The following ZNF592 variants were observed in gnomAD, a reference collection of about 807,000 sequenced individuals.
ZNF592 encodes the protein spinocerebellar ataxia, autosomal recessive 5.
ZNF592 carries 11 observed loss-of-function variants against 80.3 expected under a neutral mutation model. The observed-to-expected ratio is 0.14, with a 90% CI of 0.09 to 0.23. The LOEUF (loss-of-function observed/expected upper bound fraction) is 0.23. ZNF592 is among the 10% of genes least tolerant of loss of function. The pLI, the probability that ZNF592 is intolerant of heterozygous loss-of-function variation, is 1.00. For synonymous variants in ZNF592, 646 were observed against 640.3 expected, an observed-to-expected ratio of 1.01 and a Z score of -0.13; for missense variants, 1,420 against 1,633.9, an observed-to-expected ratio of 0.87 and a Z score of 2.26.
In ZNF592 at chr15:84,802,236, A is replaced by G; in HGVS notation, c.3647A>G (p.Asn1216Ser). The G allele has an allele frequency of 6.2e-7, 1 of 1,601,876 alleles. No individual in the cohort carries two copies. Among genetic ancestry groups the G allele is most frequent in the Non-Finnish European group, 8.5e-7 (1 of 1,171,434 alleles). The change falls in exon 11 of 11, where the codon AAT becomes AGT. Residue 1216 changes from asparagine (N) to serine (S), a missense_variant. Coordinates refer to ENST00000560079, the MANE Select transcript of ZNF592 (RefSeq NM_014630.3). ...GAGGTGCCCATGGAGACTAGAGAGA[A>G]TGGACTGGAAGAATGTGCCGGTGAG... Reference protein sequence around the residue: ...GEEVPMETRENGLEECAGEPL... With the variant: ...GEEVPMETRESGLEECAGEPL...
Position 84,783,845 on chromosome 15 carries a change from T to C in ZNF592, c.1170T>C (p.Thr390=). ...CATCATCAGGGGAAATCAAACGGAC[T>C]GTCACAAGGATCCTGCCAGATCCTG... ...IKTSSGEIKR[T]VTRILPDPDD... Residue 390 remains threonine (T), a synonymous_variant, in exon 4 of 11, where the codon ACT becomes ACC. Transcript: ENST00000560079. This position sits in a 1 kb window ranked among gnomAD's most constrained non-coding sequence, Gnocchi z 5.0. 1 of 1,614,214 alleles carries C rather than the reference T, an allele frequency of 6.2e-7. No individual in the cohort carries two copies. The highest frequency in any genetic ancestry group is 1.7e-5 in the Admixed American group (1 of 60,018).
chr15:84,792,021 T>C (rs2141994519), intron 5 of ZNF592, among the ~76,000 whole-genome samples: 1 of 149,284 alleles, frequency 6.7e-6, no homozygotes, highest in East Asian at 2.0e-4. Context: ...GGGGAGTGAT[T>C]TGGCTAGTAT....
chr15:84,778,795 C>G (rs763705924), intron 3 of ZNF592, among the ~76,000 whole-genome samples: 1 of 152,198 alleles, frequency 6.6e-6, no homozygotes, highest in Non-Finnish European at 1.5e-5. Flanking sequence ...TAGGGCTCTT[C>G]CTGGGGTTGA....
intron 1 of ZNF592, among the ~76,000 whole-genome samples, chr15:84,751,192 G>C (rs1407469820): frequency 1.3e-5 from 2 of 152,244 alleles, no homozygotes; most frequent in African/African-American, 4.8e-5. Context: ...CCAGGTGGGA[G>C]AACCAATTTT....
chr15:84,753,245 T>A (rs1654642987), intron 1 of ZNF592: 1 of 152,188 alleles, frequency 6.6e-6, no homozygotes, highest in Non-Finnish European at 1.5e-5. Context: ...AGATTCTAAG[T>A]AGTGTGCGTA....
chr15:84,769,810 G>T (rs1389442065), intron 2 of ZNF592, among the ~76,000 whole-genome samples: 1 of 152,142 alleles, frequency 6.6e-6, no homozygotes, highest in Non-Finnish European at 1.5e-5. Flanking sequence ...TGTTGCCTAG[G>T]CTGGAGTGCA....
intron 2 of ZNF592, among the ~76,000 whole-genome samples, chr15:84,776,211 C>A (rs999647653): frequency 6.6e-6 from 1 of 152,212 alleles, no homozygotes; most frequent in Non-Finnish European, 1.5e-5. Flanking sequence ...GTAGGCCAGG[C>A]CATGGTTCCT....
chr15:84,795,103 T>G (rs1476935096), intron 5 of ZNF592, among the ~76,000 whole-genome samples: 1 of 150,602 alleles, frequency 6.6e-6, no homozygotes, highest in Admixed American at 6.6e-5. Context: ...AAAATTTATA[T>G]GTATTTTATG....
intron 5 of ZNF592, among the ~76,000 whole-genome samples, chr15:84,791,293 A>T (rs1279437281): frequency 6.6e-6 from 1 of 152,250 alleles, no homozygotes; most frequent in African/African-American, 2.4e-5. Context: ...GGGCTGCAAG[A>T]TGCCAAACTC....
At chr15:84,758,030 T>C (rs1899230303) in intron 1 of ZNF592, among the ~76,000 whole-genome samples, 1 of 150,584 alleles carries the variant, frequency 6.6e-6, no homozygotes, top group East Asian at 1.9e-4. Flanking sequence ...TAGAGTGCAG[T>C]GGCAAGATCT....
Position 84,784,955 on chromosome 15 carries a change from G to A in ZNF592, c.2220+60G>A. Reference sequence around the variant, plus strand: ...CCTGGCTCACACAGGTTCCATGACTGGGCATGGAGAGGAAAGCTCATTGAT... The same window carrying A: ...CCTGGCTCACACAGGTTCCATGACTAGGCATGGAGAGGAAAGCTCATTGAT... On this transcript the variant is annotated intron_variant, in intron 4 of 10. Coordinates refer to ENST00000560079, the MANE Select transcript of ZNF592 (RefSeq NM_014630.3). This position sits in a 1 kb window ranked among gnomAD's most constrained non-coding sequence, Gnocchi z 5.8. The A allele has an allele frequency of 6.3e-7, 1 of 1,575,662 alleles. No homozygotes were observed. Among genetic ancestry groups the A allele is most frequent in the Admixed American group, 1.7e-5 (1 of 59,906 alleles).
intron 1 of ZNF592, among the ~76,000 whole-genome samples, chr15:84,757,863 T>C (rs934599925): frequency 7.9e-5 from 12 of 151,860 alleles, no homozygotes; most frequent in Admixed American, 7.9e-4. Flanking sequence ...GGTTGCACCA[T>C]GTTGCCCAGG....
At chr15:84,765,532 A>ATTT (rs1200418029) in intron 2 of ZNF592, among the ~76,000 whole-genome samples, 25 of 63,606 alleles carry the variant, frequency 3.9e-4, no homozygotes, top group Admixed American at 6.6e-4. Flanking sequence ...ACTTGTTATT[A>ATTT]TTGTTTTTTT....
In ZNF592 at chr15:84,784,285, C is replaced by T. The variant is rs769851754; in HGVS notation, c.1610C>T (p.Ser537Leu). Residue 537 changes from serine to leucine, a missense_variant, in exon 4 of 11, where the codon TCG (serine) becomes TTG (leucine). Coordinates refer to ENST00000560079, the MANE Select transcript of ZNF592 (RefSeq NM_014630.3). This position sits in a 1 kb window ranked among gnomAD's most constrained non-coding sequence, Gnocchi z 5.8. ...AGCCAGCCACAGCTTACACAAATGT[C>T]GGTGCCCCTGGTCCACCAGGTGAAA... Reference protein sequence around the residue: ...RRSQPQLTQMSVPLVHQVKKA... With the variant: ...RRSQPQLTQMLVPLVHQVKKA... 6 of 1,614,254 alleles carry T rather than the reference C, an allele frequency of 3.7e-6. No individual in the cohort carries two copies. Among genetic ancestry groups the T allele is most frequent in the East Asian group, 2.2e-5 (1 of 44,888 alleles).
At chr15:84,789,070 A>T (rs1034738683) in intron 4 of ZNF592, among the ~76,000 whole-genome samples, 1 of 151,780 alleles carries the variant, frequency 6.6e-6, no homozygotes, top group East Asian at 1.9e-4. Context: ...AAACAAAAAA[A>T]ACAAAACAGA....
At chr15:84,788,917 T>G (rs1345784876) in intron 4 of ZNF592, among the ~76,000 whole-genome samples, 1 of 152,012 alleles carries the variant, frequency 6.6e-6, no homozygotes, top group Non-Finnish European at 1.5e-5. Flanking sequence ...TGTCAGAATC[T>G]CCTTCTTTTT....
Position 84,799,878 on chromosome 15 carries a change from C to T in ZNF592, c.3174C>T (p.Pro1058=), listed in dbSNP as rs1963041420. The T allele has an allele frequency of 1.9e-6, 3 of 1,614,092 alleles. No homozygotes were observed. The African/African-American group carries it at 4.0e-5, about 22-fold the overall frequency. The change falls in exon 10 of 11, where the codon CCC becomes CCT. Residue 1058 remains proline (P), a synonymous_variant. Transcript: ENST00000560079. This position sits in a 1 kb window ranked among gnomAD's most constrained non-coding sequence, Gnocchi z 4.2. ...AGGACAGCCCCAGCTTTCCTCGGCC[C>T]TCCCTTCTGGAGAGCCACATCAGCC... ...CTEDSPSFPR[P]SLLESHISLM...
chr15:84,797,852 A>G lies in ZNF592; in HGVS notation c.2400-17A>G, dbSNP rs747102801. ...CCTATACTCCACCCACACTCACACT[A>G]CCCCACTTCTGTCTAGGTGCATCCA... On this transcript the variant is annotated splice_polypyrimidine_tract_variant and intron_variant, in intron 5 of 10. Coordinates refer to ENST00000560079, the MANE Select transcript of ZNF592 (RefSeq NM_014630.3). 1.9e-6 allele frequency: 3 copies of G among 1,613,660 alleles called. No homozygotes were observed. Among genetic ancestry groups the G allele is most frequent in the Non-Finnish European group, 2.5e-6 (3 of 1,179,904 alleles).
rs1962519521 is a variant in ZNF592 at position 84,784,298 on chromosome 15, C to T, written c.1623C>T (p.Val541=). Residue 541 remains valine (V), a synonymous_variant, in exon 4 of 11, where the codon GTC becomes GTT. Coordinates refer to ENST00000560079, the MANE Select transcript of ZNF592 (RefSeq NM_014630.3). The surrounding 1 kb of genome is among the most constrained non-coding windows in gnomAD (Gnocchi z 5.8). ...TTACACAAATGTCGGTGCCCCTGGT[C>T]CACCAGGTGAAAAAGGCTGCCCCAC... ...PQLTQMSVPL[V]HQVKKAAPLI... is the part of the protein sequence containing the mutation. 1.2e-6 allele frequency: 2 copies of T among 1,614,222 alleles called. No homozygotes were observed. The highest frequency in any genetic ancestry group is 8.5e-7 in the Non-Finnish European group (1 of 1,180,042).
Sources: gnomAD v4.1 joint callset for allele counts (sites outside exome capture counted in the v4.1 genomes callset) on GRCh38, gnomAD v4.1.1 for gene constraint, Gnocchi (gnomAD v3.1) non-coding constraint, MANE v1.5 for transcripts, NCBI Gene and HGNC (gene_info 2026-07-23, HGNC 2026-07-21) for gene names.